Variants in CDH12 observed in about 807,000 individuals in gnomAD.
The protein encoded by CDH12 is cadherin-12.
A neutral mutation model predicts 74.1 loss-of-function variants in CDH12; 41 were observed. The ratio of observed to expected loss-of-function variants is 0.55; its 90% CI spans 0.43 to 0.72. The LOEUF (loss-of-function observed/expected upper bound fraction) is 0.72. Ranked by LOEUF, CDH12 falls within the 30% of genes least tolerant of loss-of-function variation. CDH12 has a pLI of 0.00. For synonymous variants in CDH12, 399 were observed against 355.0 expected (o/e 1.12, Z -1.39); for missense variants, 945 against 977.2 (o/e 0.97, Z 0.44).
intron 1 of CDH12, among the ~76,000 whole-genome samples, chr5:22,666,342 T>G (rs939181869): frequency 5.8e-5 from 8 of 137,840 alleles, no homozygotes; most frequent in Non-Finnish European, 1.2e-4. Context: ...CAGGCTGGAG[T>G]GCAGTGGCAC....
chr5:22,736,188 A>G (rs1335291699), intron 1 of CDH12, among the ~76,000 whole-genome samples: 3 of 151,864 alleles, frequency 2.0e-5, no homozygotes, highest in Non-Finnish European at 4.4e-5. Flanking sequence ...TATTTCCTCC[A>G]TCCTAACTCA....
At chr5:22,822,525 G>A (rs974242926) in intron 1 of CDH12, among the ~76,000 whole-genome samples, 2 of 151,808 alleles carry the variant, frequency 1.3e-5, no homozygotes, top group Non-Finnish European at 1.5e-5. Flanking sequence ...TGAATTCAAA[G>A]AAATTTACAA....
At chr5:22,165,868 G>T (rs1221008818) in intron 4 of CDH12, among the ~76,000 whole-genome samples, 1 of 152,282 alleles carries the variant, frequency 6.6e-6, no homozygotes, top group East Asian at 1.9e-4. Flanking sequence ...CAAATGCCAT[G>T]GCAAGATCAG....
chr5:22,568,137 T>C (rs1739378827), intron 1 of CDH12, among the ~76,000 whole-genome samples: 1 of 152,208 alleles, frequency 6.6e-6, no homozygotes. Flanking sequence ...TAGATTGTTA[T>C]GAGTCAGAAA....
At chr5:21,767,356 A>G (rs1340862239) in intron 11 of CDH12, among the ~76,000 whole-genome samples, 1 of 151,754 alleles carries the variant, frequency 6.6e-6, no homozygotes, top group African/African-American at 2.4e-5. Context: ...GGCCTGGTTT[A>G]TCTATCAGAA....
chr5:21,876,051 A>G (rs1233351845), intron 6 of CDH12, among the ~76,000 whole-genome samples: 2 of 152,002 alleles, frequency 1.3e-5, no homozygotes, highest in Non-Finnish European at 2.9e-5. Flanking sequence ...GCACGCCACC[A>G]TGCCCAGCTA....
intron 2 of CDH12, among the ~76,000 whole-genome samples, chr5:22,406,633 A>C: frequency 6.6e-6 from 1 of 152,296 alleles, no homozygotes; most frequent in East Asian, 1.9e-4. Context: ...AATTACATGC[A>C]AAAACAATGA....
In CDH12 at chr5:22,564,053, TA is replaced by T. The variant is rs549285386; in HGVS notation, c.-522-58690del. Among the ~76,000 whole-genome samples, 17 of 152,264 alleles carry T rather than the reference TA, an allele frequency of 1.1e-4. 1 individual carries two copies. In the South Asian group the frequency reaches 3.3e-3, roughly 30 times the overall value. On this transcript the variant is annotated intron_variant, in intron 1 of 14. Transcript: ENST00000382254. ...TAAATGAAAGATGAATCTATAGCCT[TA>T]AAAAAACTACAACCAATTCCGTTTA... is the stretch of plus-strand genomic sequence containing the variant.
intron 3 of CDH12, among the ~76,000 whole-genome samples, chr5:22,330,206 C>T (rs1490948177): frequency 6.6e-6 from 1 of 152,068 alleles, no homozygotes; most frequent in African/African-American, 2.4e-5. Flanking sequence ...AATGAGGCTA[C>T]CATTCCAGTT....
chr5:22,741,895 A>G (rs1439220858), intron 1 of CDH12, among the ~76,000 whole-genome samples: 1 of 152,144 alleles, frequency 6.6e-6, no homozygotes. Context: ...GCTTAAGAAC[A>G]ACAGACGAGG....
chr5:22,558,124 C>T (rs375740531), intron 1 of CDH12, among the ~76,000 whole-genome samples: 1 of 152,074 alleles, frequency 6.6e-6, no homozygotes, highest in South Asian at 2.1e-4. Flanking sequence ...ATTTTAAAAT[C>T]GCAGCAGGAG....
intron 1 of CDH12, among the ~76,000 whole-genome samples, chr5:22,539,750 G>C (rs1315741607): frequency 1.3e-5 from 2 of 152,220 alleles, no homozygotes; most frequent in Admixed American, 1.3e-4. Context: ...TGAGCGGGCT[G>C]TATGGATGTG....
intron 2 of CDH12, among the ~76,000 whole-genome samples, chr5:22,466,776 CTTTTTTTTTTTTT>C (rs70959733): frequency 7.8e-5 from 4 of 50,968 alleles, no homozygotes; most frequent in African/African-American, 3.5e-4. Context: ...CCTCAGGAAT[CTTTTTTTTTTTTT>C]TTTTTTTTTT....
intron 3 of CDH12, among the ~76,000 whole-genome samples, chr5:22,369,687 C>G (rs539171173): frequency 2.0e-4 from 30 of 152,234 alleles, no homozygotes; most frequent in East Asian, 7.7e-4. Flanking sequence ...CTAATGGTAT[C>G]TTTTAAGCTC....
intron 3 of CDH12, among the ~76,000 whole-genome samples, chr5:22,345,303 T>C (rs915653250): frequency 1.5e-4 from 23 of 152,324 alleles, no homozygotes; most frequent in Admixed American, 1.5e-3. Flanking sequence ...ACTGTTAAAA[T>C]AGTCTTTTCC....
intron 1 of CDH12, among the ~76,000 whole-genome samples, chr5:22,606,154 C>T (rs993886713): frequency 1.3e-5 from 2 of 152,160 alleles, no homozygotes; most frequent in Admixed American, 6.5e-5. Context: ...GTTCCTGTTC[C>T]ACATCCTTAG....
At chr5:22,025,204 A>G (rs1321890872) in intron 5 of CDH12, among the ~76,000 whole-genome samples, 1 of 152,186 alleles carries the variant, frequency 6.6e-6, no homozygotes, top group Non-Finnish European at 1.5e-5. Context: ...CATGGCTAAC[A>G]CAAAATATAA....
intron 1 of CDH12, among the ~76,000 whole-genome samples, chr5:22,593,207 C>T (rs1290809387): frequency 6.8e-6 from 1 of 147,510 alleles, no homozygotes; most frequent in Non-Finnish European, 1.5e-5. Context: ...GACATGAGTA[C>T]ATTTGATGTG....
At chr5:21,826,242 A>C (rs977103253) in intron 8 of CDH12, among the ~76,000 whole-genome samples, 5 of 152,312 alleles carry the variant, frequency 3.3e-5, no homozygotes, top group African/African-American at 1.2e-4. Context: ...CATTACTTGG[A>C]TATCTCCAAG....
Sources: gnomAD v4.1 joint callset for allele counts (sites outside exome capture counted in the v4.1 genomes callset) on GRCh38, gnomAD v4.1.1 for gene constraint, MANE v1.5 for transcripts, NCBI Gene and HGNC (gene_info 2026-07-23, HGNC 2026-07-21) for gene names.